Variants in ZNF536 observed in about 807,000 individuals in gnomAD.
ZNF536 encodes the protein zinc finger protein 536.
Under a neutral mutation model 84.5 loss-of-function variants are expected in ZNF536, and 13 were observed. The observed-to-expected ratio is 0.15, with a 90% confidence interval of 0.10 to 0.24. ZNF536 has a LOEUF of 0.24. Ranked by LOEUF, ZNF536 falls within the 10% of genes least tolerant of loss-of-function variation. The pLI is 1.00. For synonymous variants in ZNF536, 811 were observed against 742.5 expected, an observed-to-expected ratio of 1.09 and a Z score of -1.50; for missense variants, 1,536 against 1,747.5, an observed-to-expected ratio of 0.88 and a Z score of 2.16.
intron 1 of ZNF536, among the ~76,000 whole-genome samples, chr19:30,571,555 G>A (rs969949449): frequency 4.6e-5 from 7 of 152,174 alleles, no homozygotes; most frequent in African/African-American, 1.4e-4. Context: ...AAAGTAACTT[G>A]GAAGACTCAG....
At chr19:30,655,911 C>T (rs2049894028) in intron 1 of ZNF536, among the ~76,000 whole-genome samples, 1 of 152,094 alleles carries the variant, frequency 6.6e-6, no homozygotes, top group Non-Finnish European at 1.5e-5. Context: ...TAATGGTGCA[C>T]ACCTGTAGTC....
At chr19:30,667,651 A>T (rs1362956327) in intron 1 of ZNF536, among the ~76,000 whole-genome samples, 1 of 128,216 alleles carries the variant, frequency 7.8e-6, no homozygotes, top group Admixed American at 7.4e-5. Context: ...AATTAATGAG[A>T]AGTGAGGTAA....
chr19:30,412,580 A>G (rs1316809293), intron 1 of ZNF536, among the ~76,000 whole-genome samples: 1 of 151,998 alleles, frequency 6.6e-6, no homozygotes. Flanking sequence ...TGATATTTAT[A>G]TTGCTGTTTA....
intron 3 of ZNF536, among the ~76,000 whole-genome samples, chr19:30,542,838 G>A (rs1180842296): frequency 6.6e-6 from 1 of 152,094 alleles, no homozygotes; most frequent in East Asian, 1.9e-4. Context: ...TAGAGACAGG[G>A]TCTCACTCTA....
intron 1 of ZNF536, among the ~76,000 whole-genome samples, chr19:30,685,733 G>A (rs1345858241): frequency 6.6e-6 from 1 of 152,156 alleles, no homozygotes; most frequent in Non-Finnish European, 1.5e-5. Flanking sequence ...GGCAACCAGG[G>A]GGATGGGGGC....
intron 2 of ZNF536, among the ~76,000 whole-genome samples, chr19:30,495,988 C>T (rs1417762297): frequency 1.3e-5 from 2 of 152,214 alleles, no homozygotes; most frequent in South Asian, 2.1e-4. Flanking sequence ...TGTACTGCAA[C>T]AGCCTCCATA....
At chr19:30,540,944 T>C (rs1809631630) in intron 3 of ZNF536, among the ~76,000 whole-genome samples, 1 of 152,216 alleles carries the variant, frequency 6.6e-6, no homozygotes, top group South Asian at 2.1e-4. Context: ...CCCACGTGCT[T>C]GGGTTTCCCC....
chr19:30,499,423 AC>A (rs1395531482), intron 2 of ZNF536, among the ~76,000 whole-genome samples: 4 of 151,822 alleles, frequency 2.6e-5, no homozygotes, highest in Non-Finnish European at 4.4e-5. Context: ...GTTTGTGTGA[AC>A]GTATGTCGGT....
At chr19:30,655,575 C>T (rs765048540) in intron 1 of ZNF536, among the ~76,000 whole-genome samples, 3 of 152,096 alleles carry the variant, frequency 2.0e-5, no homozygotes, top group Non-Finnish European at 4.4e-5. Flanking sequence ...CATTGCTACC[C>T]AAGACATGGG....
intron 2 of ZNF536, among the ~76,000 whole-genome samples, chr19:30,499,431 C>T (rs1013196912): frequency 2.0e-5 from 3 of 151,730 alleles, no homozygotes; most frequent in Non-Finnish European, 2.9e-5. Flanking sequence ...GAACGTATGT[C>T]GGTATGTATC....
At chr19:30,324,600 C>A (rs964465004) in intron 2 of ZNF536, among the ~76,000 whole-genome samples, 4 of 152,162 alleles carry the variant, frequency 2.6e-5, no homozygotes, top group Admixed American at 6.5e-5. Flanking sequence ...CTACATTAAT[C>A]AGGCTGGTCT....
chr19:30,632,592 C>T (rs1351411192), intron 1 of ZNF536, among the ~76,000 whole-genome samples: 3 of 152,186 alleles, frequency 2.0e-5, no homozygotes, highest in Non-Finnish European at 2.9e-5. Flanking sequence ...GGCAACAGAA[C>T]GAGAATCCAT....
chr19:30,608,057 C>T (rs1391021277), intron 1 of ZNF536, among the ~76,000 whole-genome samples: 1 of 152,186 alleles, frequency 6.6e-6, no homozygotes, highest in African/African-American at 2.4e-5. Context: ...TGCAAAACTT[C>T]ACCAAATATC....
intron 2 of ZNF536, among the ~76,000 whole-genome samples, chr19:30,303,694 A>C (rs1262011852): frequency 6.6e-6 from 1 of 151,880 alleles, no homozygotes; most frequent in Non-Finnish European, 1.5e-5. Flanking sequence ...GTAGAGACAA[A>C]GTTTCACCAT....
intron 1 of ZNF536, among the ~76,000 whole-genome samples, chr19:30,410,310 T>G (rs897543942): frequency 6.6e-6 from 1 of 152,074 alleles, no homozygotes; most frequent in Non-Finnish European, 1.5e-5. Flanking sequence ...GCACACATAT[T>G]CATAATTTTC....
At chr19:30,589,689 C>A (rs897690283) in intron 1 of ZNF536, among the ~76,000 whole-genome samples, 2 of 152,050 alleles carry the variant, frequency 1.3e-5, no homozygotes, top group Middle Eastern at 3.2e-3. Flanking sequence ...CACTGGGGGA[C>A]AAGGTAGAGC....
chr19:30,648,642 G>A (rs8108684), intron 1 of ZNF536, among the ~76,000 whole-genome samples: 2,931 of 152,260 alleles, frequency 0.019, 88 homozygotes, highest in African/African-American at 0.067. Context: ...AAGGCAAGCA[G>A]CCTGTGCTGT....
intron 3 of ZNF536, among the ~76,000 whole-genome samples, chr19:30,366,083 G>A (rs2048419383): frequency 6.6e-6 from 1 of 152,090 alleles, no homozygotes; most frequent in South Asian, 2.1e-4. Context: ...AACCCCTGAG[G>A]AAGCCCCACG....
At chr19:30,409,483 A>G (rs984596744) in intron 1 of ZNF536, among the ~76,000 whole-genome samples, 1 of 152,224 alleles carries the variant, frequency 6.6e-6, no homozygotes, top group African/African-American at 2.4e-5. Flanking sequence ...GCAGACAAGG[A>G]AGAAGGGCAA....
Sources: gnomAD v4.1 joint callset for allele counts (sites outside exome capture counted in the v4.1 genomes callset) on GRCh38, gnomAD v4.1.1 for gene constraint, MANE v1.5 for transcripts, NCBI Gene and HGNC (gene_info 2026-07-23, HGNC 2026-07-21) for gene names.